Variants in CACFD1 observed in about 807,000 individuals in gnomAD.
CACFD1 encodes the protein calcium channel flower domain containing 1.
CACFD1 carries 26 observed loss-of-function variants against 21.3 expected under a neutral mutation model. The ratio of observed to expected loss-of-function variants is 1.22; its 90% confidence interval spans 0.89 to 1.69. CACFD1 has a LOEUF of 1.69. CACFD1 is among the 40% of genes most tolerant of loss of function. The pLI, the probability that CACFD1 is intolerant of heterozygous loss-of-function variation, is 0.00. For synonymous variants in CACFD1, 121 were observed against 106.6 expected (o/e 1.13, Z -0.83); for missense variants, 265 against 236.2 (o/e 1.12, Z -0.80).
intron 1 of CACFD1, among the ~76,000 whole-genome samples, chr9:133,460,850 C>T (rs1554798369): frequency 2.6e-5 from 4 of 152,326 alleles, no homozygotes; most frequent in Non-Finnish European, 5.9e-5. Context: ...GCTGCCTTAG[C>T]CGCCTGTCAC....
At chr9:133,463,336 A>G (rs1554798880) in intron 1 of CACFD1, 147 bp from the exon 2 acceptor site, 1 of 1,477,404 alleles carries the variant, frequency 6.8e-7, no homozygotes, top group East Asian at 2.3e-5. Context: ...GTCTCAGACG[A>G]TAGAGGGCAG....
chr9:133,460,054 T>C lies in CACFD1; in HGVS notation c.-13T>C, dbSNP rs1843063823. 6.4e-7 allele frequency: 1 copy of C among 1,552,466 alleles called. No individual in the cohort carries two copies. Among genetic ancestry groups the C allele is most frequent in the East Asian group, 2.5e-5 (1 of 40,584 alleles). On this transcript the variant is annotated 5_prime_UTR_variant, in exon 1 of 5. Transcript: ENST00000316948. ...CTTTGTGAGGGCTGTGAGCTGCGCCTGACGGTGGCACCATGAGCAGCTCAG... is the reference window on the plus strand; with the variant it reads ...CTTTGTGAGGGCTGTGAGCTGCGCCCGACGGTGGCACCATGAGCAGCTCAG...
chr9:133,468,077 C>A (rs781837702), intron 4 of CACFD1, 49 bp downstream of exon 4: 2 of 1,472,088 alleles, frequency 1.4e-6, no homozygotes, highest in Non-Finnish European at 1.9e-6. Flanking sequence ...TCCCTCCGCC[C>A]CCCGAAGTCC....
rs1162994409 is a variant in CACFD1 at position 133,466,482 on chromosome 9, A to G, written c.320+1035A>G. Among the ~76,000 whole-genome samples, 8 of 152,310 alleles carry G rather than the reference A, an allele frequency of 5.3e-5. No individual in the cohort carries two copies. In the South Asian group the frequency reaches 6.2e-4, roughly 12 times the overall value. ...TATAAGCATTTGAACATCACCACAG[A>G]CTTTATAACATTCTTTCAATACAGG... On this transcript the variant is annotated intron_variant, in intron 3 of 4. Transcript: ENST00000316948.
chr9:133,462,223 A>C (rs1554798690), intron 1 of CACFD1: 6 of 1,304,282 alleles, frequency 4.6e-6, no homozygotes, highest in Non-Finnish European at 6.1e-6. Context: ...CTGTCAGGTG[A>C]GGCCAGGCAC....
Position 133,465,548 on chromosome 9 carries a change from C to A in CACFD1, c.320+101C>A. On this transcript the variant is annotated intron_variant, in intron 3 of 4. Coordinates refer to ENST00000316948, the MANE Select transcript of CACFD1 (RefSeq NM_017586.5). The surrounding 1 kb of genome is among the most constrained non-coding windows in gnomAD (Gnocchi z 5.0). Reference sequence around the variant, plus strand: ...GTGAGGGTGGGCAGTGTATTCAGTTCCTCTCTGTGGAAGTGTAAACTGGGA... The same window carrying A: ...GTGAGGGTGGGCAGTGTATTCAGTTACTCTCTGTGGAAGTGTAAACTGGGA... The A allele has an allele frequency of 8.2e-7, 1 of 1,213,338 alleles. No individual in the cohort carries two copies. The highest frequency in any genetic ancestry group is 1.2e-6 in the Non-Finnish European group (1 of 859,430). 75.2% of individuals were successfully genotyped at this position (1,213,338 alleles called of 1,614,324 possible). A position where few individuals can be genotyped will look rare whatever the true frequency, so the allele number is the denominator to read the frequency against.
chr9:133,465,598 T>G lies in CACFD1; in HGVS notation c.320+151T>G, dbSNP rs1554799399. 1 of 812,848 alleles carries G rather than the reference T, an allele frequency of 1.2e-6. No homozygotes were observed. Among genetic ancestry groups the G allele is most frequent in the African/African-American group, 1.7e-5 (1 of 57,902 alleles). 50.4% of individuals were successfully genotyped at this position (812,848 alleles called of 1,614,324 possible). The stretch of plus-strand genomic sequence containing the variant: ...ATTGCCTTTGTGCACAGTGATTTGC[T>G]CATAGCTGCCAAAACGTGCCCCAGT... On this transcript the variant is annotated intron_variant, in intron 3 of 4. Transcript: ENST00000316948. The surrounding 1 kb of genome is among the most constrained non-coding windows in gnomAD (Gnocchi z 5.0).
chr9:133,462,212 G>A, intron 1 of CACFD1: 1 of 1,304,288 alleles, frequency 7.7e-7, no homozygotes, highest in Non-Finnish European at 1.0e-6. Context: ...GCACAGCCGA[G>A]CTGTCAGGTG....
chr9:133,467,311 C>G (rs141429199), intron 3 of CACFD1, among the ~76,000 whole-genome samples: 2,127 of 152,316 alleles, frequency 0.014, 28 homozygotes, highest in Non-Finnish European at 0.018. Context: ...GACCCTGCCA[C>G]CAGGTGACGC....
Position 133,460,104 on chromosome 9 carries a change from G to A in CACFD1, c.38G>A (p.Ser13Asn). The stretch of plus-strand genomic sequence containing the variant: ...GGTGGGGCGCCCGGGGCGTCCGCCA[G>A]CTCTGCGCCGCCCGCGCAGGAAGAG... Reference protein sequence around the residue: ...SSGGAPGASASSAPPAQEEGM... With the variant: ...SSGGAPGASANSAPPAQEEGM... Residue 13 changes from serine (S) to asparagine (N), a missense_variant, in exon 1 of 5, where the codon AGC (serine) becomes AAC (asparagine). Coordinates refer to ENST00000316948, the MANE Select transcript of CACFD1 (RefSeq NM_017586.5). The A allele has an allele frequency of 6.4e-7, 1 of 1,563,536 alleles. No individual in the cohort carries two copies. Among genetic ancestry groups the A allele is most frequent in the Non-Finnish European group, 8.7e-7 (1 of 1,153,680 alleles).
In CACFD1 at chr9:133,465,370, G is replaced by T. The variant is rs1843393036; in HGVS notation, c.243G>T (p.Gln81His). 6.2e-7 allele frequency: 1 copy of T among 1,613,968 alleles called. No homozygotes were observed. The highest frequency in any genetic ancestry group is 1.3e-5 in the African/African-American group (1 of 74,926). Residue 81 changes from glutamine to histidine, a missense_variant, in exon 3 of 5, where the codon CAG (glutamine) becomes CAT (histidine). Gln to His is a conservative substitution (Grantham distance 24, BLOSUM62 0). Transcript: ENST00000316948. The surrounding 1 kb of genome is among the most constrained non-coding windows in gnomAD (Gnocchi z 5.0). Reference protein sequence around the residue: ...LLLCEAPFCCQFIEFANTVAE... With the variant: ...LLLCEAPFCCHFIEFANTVAE... ...TGTGTGAGGCGCCCTTCTGCTGCCA[G>T]TTCATCGAGTTTGCAAACACAGTGG...
At position 133,459,991 on chromosome 9, in the gene CACFD1, G is replaced by A. The variant is rs934648702; in HGVS notation, c.-76G>A. On this transcript the variant is annotated 5_prime_UTR_variant, in exon 1 of 5. Transcript: ENST00000316948. ...TGCTAATATGCTCCCTCTCCCACAA[G>A]GCAGCGCGCCGGCTCGGACGCGGCC... 7 of 1,450,044 alleles carry A rather than the reference G, an allele frequency of 4.8e-6. No homozygotes were observed. In the East Asian group the frequency reaches 1.6e-4, roughly 34 times the overall value. 89.8% of individuals were successfully genotyped at this position (1,450,044 alleles called of 1,614,324 possible).
chr9:133,464,372 G>T (rs1164202259), intron 2 of CACFD1, among the ~76,000 whole-genome samples: 1 of 152,200 alleles, frequency 6.6e-6, no homozygotes, highest in Non-Finnish European at 1.5e-5. Context: ...GCCCAGCCCA[G>T]CTTCAGGGGG....
chr9:133,465,270 C>T lies in CACFD1; in HGVS notation c.195-52C>T. 1 of 1,609,060 alleles carries T rather than the reference C, an allele frequency of 6.2e-7. No homozygotes were observed. Among genetic ancestry groups the T allele is most frequent in the Non-Finnish European group, 8.5e-7 (1 of 1,177,858 alleles). On this transcript the variant is annotated intron_variant, in intron 2 of 4. Transcript: ENST00000316948. This position sits in a 1 kb window ranked among gnomAD's most constrained non-coding sequence, Gnocchi z 5.0. The stretch of plus-strand genomic sequence containing the variant: ...TGGCACTGGCACTGGGGGCCGCCCT[C>T]ATCCTCCTGGGATTGTCAGTCGCTG...
Position 133,465,706 on chromosome 9 carries a change from C to T in CACFD1, c.320+259C>T, listed in dbSNP as rs1843410274. On this transcript the variant is annotated intron_variant, in intron 3 of 4. Coordinates refer to ENST00000316948, the MANE Select transcript of CACFD1 (RefSeq NM_017586.5). The surrounding 1 kb of genome is among the most constrained non-coding windows in gnomAD (Gnocchi z 5.0). Reference sequence around the variant, plus strand: ...GTATATGAGCATGTGTGGCAGCATCCGTGCAGTGGAGAGAAAGTGGGAAGC... The same window carrying T: ...GTATATGAGCATGTGTGGCAGCATCTGTGCAGTGGAGAGAAAGTGGGAAGC... 2 of 436,482 alleles carry T rather than the reference C, an allele frequency of 4.6e-6. No individual in the cohort carries two copies. The highest frequency in any genetic ancestry group is 4.1e-6 in the Non-Finnish European group (1 of 244,306). 27.0% of individuals were successfully genotyped at this position (436,482 alleles called of 1,614,324 possible).
rs1843377790 is a variant in CACFD1 at position 133,465,033 on chromosome 9, A to G, written c.195-289A>G. ...GGGTCCCCTTTCCTCCATGTCACACAGGAGGAGGATAAAGGGAAGCAGAAG... is the reference window on the plus strand; with the variant it reads ...GGGTCCCCTTTCCTCCATGTCACACGGGAGGAGGATAAAGGGAAGCAGAAG... On this transcript the variant is annotated intron_variant, in intron 2 of 4. Transcript: ENST00000316948. This position sits in a 1 kb window ranked among gnomAD's most constrained non-coding sequence, Gnocchi z 5.0. The G allele has an allele frequency of 5.3e-6, 2 of 378,346 alleles. No homozygotes were observed. Among genetic ancestry groups the G allele is most frequent in the East Asian group, 5.5e-5 (1 of 18,120 alleles). The allele number at this position is 378,346 out of a possible 1,614,324, so 23.4% of individuals were successfully genotyped here.
intron 4 of CACFD1, chr9:133,468,231 C>T (rs1037190792): frequency 6.6e-6 from 9 of 1,353,902 alleles, no homozygotes; most frequent in Non-Finnish European, 8.9e-6. Flanking sequence ...CCCAGTCTTG[C>T]CCCGTCACGG....
chr9:133,463,684 C>G (rs1295187673), intron 2 of CACFD1, 129 bp downstream of exon 2: 1 of 923,122 alleles, frequency 1.1e-6, no homozygotes, highest in African/African-American at 1.6e-5. Flanking sequence ...GCTACTGGCT[C>G]CAGCCTGGGT....
intron 1 of CACFD1, among the ~76,000 whole-genome samples, chr9:133,460,404 C>A (rs1843107798): frequency 8.3e-6 from 1 of 120,504 alleles, no homozygotes; most frequent in Non-Finnish European, 2.0e-5. Flanking sequence ...CTTGGTACCC[C>A]GGGCTGGGCT....
Sources: allele counts gnomAD v4.1 joint callset (sites outside exome capture counted in the v4.1 genomes callset), GRCh38; gene constraint gnomAD v4.1.1; non-coding constraint Gnocchi (gnomAD v3.1); transcripts MANE v1.5; gene names NCBI Gene and HGNC (gene_info 2026-07-23, HGNC 2026-07-21).